Variants in KLF17 observed in about 807,000 individuals in gnomAD.
KLF17 encodes KLF transcription factor 17.
A neutral mutation model predicts 34.2 loss-of-function variants in KLF17; 31 were observed. The ratio of observed to expected loss-of-function variants is 0.91; its 90% CI spans 0.68 to 1.22. The LOEUF (loss-of-function observed/expected upper bound fraction) is 1.22. Ranked by LOEUF, KLF17 falls within the 50% of genes most tolerant of loss-of-function variation. KLF17 has a pLI of 0.00. For missense variants in KLF17, 478 were observed against 505.2 expected (o/e 0.95, Z 0.52); for synonymous variants, 179 against 186.7 (o/e 0.96, Z 0.34).
the KLF17 span, among the ~76,000 whole-genome samples, chr1:44,096,905 A>T: frequency 3.8e-3 from 572 of 152,096 alleles, 2 homozygotes; most frequent in African/African-American, 0.013. Flanking sequence ...CTTTGCCCAT[A>T]TCTATATCCT....
chr1:44,085,832 A>AAG, the KLF17 span, among the ~76,000 whole-genome samples: 1 of 145,130 alleles, frequency 6.9e-6, no homozygotes, highest in Non-Finnish European at 1.5e-5. Context: ...AAAAAAAAAA[A>AAG]GGAGAGAGAG....
At chr1:44,075,355 T>G in the KLF17 span, among the ~76,000 whole-genome samples, 1 of 152,336 alleles carries the variant, frequency 6.6e-6, no homozygotes, top group Admixed American at 6.5e-5. Flanking sequence ...GCACACATTT[T>G]TTTCATGGCT....
At chr1:44,123,543 A>C (rs916430190) in intron 1 of KLF17, among the ~76,000 whole-genome samples, 1 of 151,946 alleles carries the variant, frequency 6.6e-6, no homozygotes, top group Admixed American at 6.6e-5. Context: ...GTGTTTGGCA[A>C]TGTTGTTAAT....
chr1:44,121,961 A>G (rs534651062), intron 1 of KLF17, among the ~76,000 whole-genome samples: 3 of 152,326 alleles, frequency 2.0e-5, no homozygotes, highest in South Asian at 4.1e-4. Flanking sequence ...ACTGGTTTTA[A>G]CACCAAATTT....
At chr1:44,059,004 C>T in the KLF17 span, among the ~76,000 whole-genome samples, 26,868 of 152,066 alleles carry the variant, frequency 0.18, 2,497 homozygotes, top group Middle Eastern at 0.2. Context: ...ATCAATTACA[C>T]ATGAATGGAA....
rs982348872 is a variant in KLF17, at chr1:44,122,204, T to C, written c.81+3216T>C. 220 of 1,602,122 alleles carry C rather than the reference T, an allele frequency of 1.4e-4. 2 individuals are homozygous for C. In the Middle Eastern group the frequency reaches 2.3e-3, roughly 16 times the overall value. ...TGCCACGGCCACGTCCTCTTCCTCTTCCTCTGCCTCTGCCTCTTCCTGCAA... is the reference window on the plus strand; with the variant it reads ...TGCCACGGCCACGTCCTCTTCCTCTCCCTCTGCCTCTGCCTCTTCCTGCAA... On this transcript the variant is annotated intron_variant, in intron 1 of 3. Coordinates refer to ENST00000372299, the MANE Select transcript of KLF17 (RefSeq NM_173484.4).
intron 1 of KLF17, among the ~76,000 whole-genome samples, chr1:44,121,445 G>A (rs932619222): frequency 3.9e-5 from 6 of 152,324 alleles, no homozygotes; most frequent in Admixed American, 1.3e-4. Flanking sequence ...TTAGATGCAA[G>A]CCTTATTCAA....
chr1:44,091,354 T>C, the KLF17 span, among the ~76,000 whole-genome samples: 1 of 152,050 alleles, frequency 6.6e-6, no homozygotes, highest in African/African-American at 2.4e-5. Context: ...CTGTAGCTCC[T>C]AGAAAAGTCC....
chr1:44,086,468 A>AAAATAAAT, the KLF17 span, among the ~76,000 whole-genome samples: 49 of 148,504 alleles, frequency 3.3e-4, no homozygotes, highest in African/African-American at 1.2e-3. Context: ...CTCCATCTCA[A>AAAATAAAT]AAATAAATAA....
At chr1:44,054,765 G>A in the KLF17 span, among the ~76,000 whole-genome samples, 1 of 138,470 alleles carries the variant, frequency 7.2e-6, no homozygotes, top group African/African-American at 2.8e-5. Context: ...ACAAGCGTGA[G>A]CCACCGTGCC....
intron 1 of KLF17, among the ~76,000 whole-genome samples, chr1:44,121,113 T>A (rs980442300): frequency 1.3e-5 from 2 of 152,120 alleles, no homozygotes; most frequent in African/African-American, 4.8e-5. Flanking sequence ...CAAAATTGTA[T>A]ATATATATAC....
intron 2 of KLF17, 72 bp downstream of exon 2, chr1:44,130,268 G>A (rs550941156): frequency 1.3e-6 from 2 of 1,537,830 alleles, no homozygotes; most frequent in Admixed American, 4.1e-5. Context: ...GCCACTGGTG[G>A]GTAATTGTTT....
At chr1:44,118,095 G>A (rs2087900057), upstream of KLF17, among the ~76,000 whole-genome samples, 1 of 152,028 alleles carries the variant, frequency 6.6e-6, no homozygotes, top group South Asian at 2.1e-4. Flanking sequence ...ATCTTCCTAT[G>A]GCTGGCTCCT....
the KLF17 span, chr1:44,104,444 C>A: frequency 1.2e-6 from 1 of 822,872 alleles, no homozygotes; most frequent in Non-Finnish European, 2.1e-6. Flanking sequence ...GCCCCAGGAA[C>A]CGCACCTTGT....
At chr1:44,052,072 C>T in the KLF17 span, 1 of 152,144 alleles carries the variant, frequency 6.6e-6, no homozygotes, top group Non-Finnish European at 1.5e-5. Flanking sequence ...GTTTGGGTTA[C>T]CTAGAAGTCT....
At chr1:44,132,044 C>G (rs1334516298) in intron 3 of KLF17, among the ~76,000 whole-genome samples, 3 of 152,108 alleles carry the variant, frequency 2.0e-5, no homozygotes, top group Admixed American at 2.0e-4. Context: ...CAGTGGCTCA[C>G]GCCTGTAATC....
the KLF17 span, among the ~76,000 whole-genome samples, chr1:44,067,252 G>A: frequency 8.5e-5 from 13 of 152,210 alleles, no homozygotes; most frequent in South Asian, 2.1e-3. Flanking sequence ...TCATTTTATT[G>A]ATCAAAGTTC....
chr1:44,068,594 A>G, the KLF17 span, among the ~76,000 whole-genome samples: 1 of 152,168 alleles, frequency 6.6e-6, no homozygotes, highest in South Asian at 2.1e-4. Context: ...CTGATTCATT[A>G]GGTGGTGGGC....
At position 44,118,952 on chromosome 1, in the gene KLF17, G is replaced by A. The variant is rs773013660; in HGVS notation, c.45G>A (p.Glu15=). 7 of 1,612,128 alleles carry A rather than the reference G, an allele frequency of 4.3e-6. No individual in the cohort carries two copies. The highest frequency in any genetic ancestry group is 4.2e-6 in the Non-Finnish European group (5 of 1,179,240). ...PQAEMEQEAG[E]LSRWQAAHQA... ...CTGAGATGGAACAGGAGGCTGGGGA[G>A]CTGAGCCGGTGGCAGGCGGCGCACC... Residue 15 remains glutamate (E), a synonymous_variant, in exon 1 of 4, where the codon GAG becomes GAA. Coordinates refer to ENST00000372299, the MANE Select transcript of KLF17 (RefSeq NM_173484.4).
Sources: allele counts gnomAD v4.1 joint callset (sites outside exome capture counted in the v4.1 genomes callset), GRCh38; gene constraint gnomAD v4.1.1; transcripts MANE v1.5; gene names NCBI Gene and HGNC (gene_info 2026-07-23, HGNC 2026-07-21).